DCAF1: variants seen among roughly 807,000 people sequenced by gnomAD.
DCAF1 encodes DDB1- and CUL4-associated factor 1.
DCAF1 carries 15 observed loss-of-function variants against 128.0 expected under a neutral mutation model. The ratio of observed to expected loss-of-function variants is 0.12; its 90% confidence interval spans 0.08 to 0.18. The LOEUF (loss-of-function observed/expected upper bound fraction) is 0.18, where lower values mean the gene tolerates loss of function less well. Among genes scored for constraint, DCAF1 ranks in the 10% least tolerant of loss-of-function variants. The pLI is 1.00. For synonymous variants in DCAF1, 610 were observed against 603.0 expected (o/e 1.01, Z -0.17); for missense variants, 988 against 1,649.5 (o/e 0.60, Z 6.95).
At chr3:51,446,982 A>AATAATAATG (rs1701923812) in intron 6 of DCAF1, among the ~76,000 whole-genome samples, 1 of 147,172 alleles carries the variant, frequency 6.8e-6, no homozygotes, top group Non-Finnish European at 1.5e-5. Flanking sequence ...TAATAATAAT[A>AATAATAATG]ATAATAATAA....
upstream of DCAF1, among the ~76,000 whole-genome samples, chr3:51,504,036 A>AT (rs559346586): frequency 0.052 from 6,772 of 130,250 alleles, 243 homozygotes; most frequent in Non-Finnish European, 0.071. Flanking sequence ...GCCCCTGAAC[A>AT]TTTTTTTTTT....
chr3:51,505,055 A>T, the DCAF1 span, among the ~76,000 whole-genome samples: 1 of 152,122 alleles, frequency 6.6e-6, no homozygotes, highest in Non-Finnish European at 1.5e-5. Context: ...TGAGGTCGAG[A>T]GTTCGAGACC....
At chr3:51,472,235 C>A (rs1279773943) in intron 3 of DCAF1, among the ~76,000 whole-genome samples, 1 of 152,188 alleles carries the variant, frequency 6.6e-6, no homozygotes, top group Non-Finnish European at 1.5e-5. Flanking sequence ...TTCAAAGAGC[C>A]CAATTTCACT....
At position 51,398,830 on chromosome 3, in the gene DCAF1, G is replaced by A. The variant is rs1553624035; in HGVS notation, c.4466-3C>T. ...ATCAGAGTTGTCAGAGCTGTCAGCTGAAAGGGAAGAAAAGGGAGAGACAAG... is the reference window on the plus strand; with the variant it reads ...ATCAGAGTTGTCAGAGCTGTCAGCTAAAAGGGAAGAAAAGGGAGAGACAAG... On this transcript the variant is annotated splice_region_variant and splice_polypyrimidine_tract_variant and intron_variant, in intron 24 of 24. Transcript: ENST00000684031. 8 of 1,580,632 alleles carry A rather than the reference G, an allele frequency of 5.1e-6. No homozygotes were observed. The South Asian group carries it at 8.1e-5, about 16-fold the overall frequency.
intron 4 of DCAF1, among the ~76,000 whole-genome samples, chr3:51,467,618 T>A (rs1258219221): frequency 1.3e-5 from 2 of 152,198 alleles, no homozygotes; most frequent in East Asian, 3.9e-4. Context: ...CTGCACGTTG[T>A]GCACATGTAC....
intron 1 of DCAF1, among the ~76,000 whole-genome samples, chr3:51,498,869 G>C (rs1444943458): frequency 6.6e-6 from 1 of 152,110 alleles, no homozygotes; most frequent in Non-Finnish European, 1.5e-5. Flanking sequence ...GCTGGAAAAA[G>C]AAAATGCAGG....
At chr3:51,501,976 A>G (rs571630387), upstream of DCAF1, among the ~76,000 whole-genome samples, 1 of 152,322 alleles carries the variant, frequency 6.6e-6, no homozygotes, top group South Asian at 2.1e-4. Flanking sequence ...AGAGAGGTAG[A>G]ACAAGGAATG....
intron 10 of DCAF1, among the ~76,000 whole-genome samples, 172 bp downstream of exon 10, chr3:51,432,934 A>G (rs2107583748): frequency 6.6e-6 from 1 of 152,342 alleles, no homozygotes; most frequent in Admixed American, 6.5e-5. Flanking sequence ...AAACAATTTT[A>G]CATTTTTAGA....
intron 6 of DCAF1, among the ~76,000 whole-genome samples, chr3:51,460,342 C>A (rs1220621938): frequency 6.6e-6 from 1 of 152,084 alleles, no homozygotes; most frequent in African/African-American, 2.4e-5. Flanking sequence ...ACCTAGGAAT[C>A]CAACTTACAA....
chr3:51,396,177 C>A, downstream of DCAF1: 1 of 377,510 alleles, frequency 2.6e-6, no homozygotes, highest in Non-Finnish European at 4.9e-6. Context: ...CCGGAAGAAT[C>A]ATCTACCTCC....
upstream of DCAF1, among the ~76,000 whole-genome samples, chr3:51,503,678 A>T (rs1223707076): frequency 6.6e-6 from 1 of 152,154 alleles, no homozygotes; most frequent in African/African-American, 2.4e-5. Flanking sequence ...ACAAAGAGGA[A>T]ATCCCAATCA....
chr3:51,505,590 TGA>T, the DCAF1 span, among the ~76,000 whole-genome samples: 210 of 152,342 alleles, frequency 1.4e-3, 1 homozygote, highest in Non-Finnish European at 1.1e-3. Flanking sequence ...ATGATGTTCC[TGA>T]GGGGAGCCCC....
chr3:51,441,681 CAAGATG>C lies in DCAF1; in HGVS notation c.724_729del (p.His242_Leu243del). On this transcript the variant is annotated inframe_deletion, in exon 8 of 25. Transcript: ENST00000684031. ...CTGCTACTAGTCTTGTGGCCTGAAT[CAAGATG>C]AAAGGAGATCTCCATGTCTCCAGAA... The C allele has an allele frequency of 6.2e-7, 1 of 1,613,982 alleles. No homozygotes were observed. Among genetic ancestry groups the C allele is most frequent in the African/African-American group, 1.3e-5 (1 of 75,038 alleles).
At chr3:51,396,109 A>C (rs1000624451), downstream of DCAF1, 5 of 409,454 alleles carry the variant, frequency 1.2e-5, no homozygotes, top group Non-Finnish European at 2.2e-5. Flanking sequence ...TATGTTGTTA[A>C]GTCCAAAACT....
At chr3:51,451,063 G>A (rs374112892) in intron 6 of DCAF1, among the ~76,000 whole-genome samples, 1 of 67,196 alleles carries the variant, frequency 1.5e-5, no homozygotes, top group Non-Finnish European at 2.9e-5. Flanking sequence ...ATATAAAAAG[G>A]AAATTCTTTT....
At chr3:51,396,925 C>A (rs1553623177), downstream of DCAF1, 1 of 166,884 alleles carries the variant, frequency 6.0e-6, no homozygotes, top group Non-Finnish European at 1.5e-5. Flanking sequence ...ACCATTAAAG[C>A]GAGGCATGAA....
At chr3:51,463,678 G>C (rs1553645480) in intron 5 of DCAF1, among the ~76,000 whole-genome samples, 1 of 151,940 alleles carries the variant, frequency 6.6e-6, no homozygotes. Flanking sequence ...AGCTACATGG[G>C]AGGCTGAGGT....
rs751723865 is a variant in DCAF1, at chr3:51,496,793, A to C, written c.-55-13T>G. 3.3e-5 allele frequency among the ~76,000 whole-genome samples: 5 copies of C among 152,110 alleles called. No homozygotes were observed. Among genetic ancestry groups the C allele is most frequent in the African/African-American group, 2.4e-5 (1 of 41,418 alleles). ...TCAATTTCCTTATCTGCAAGATGGA[A>C]ACAGTTGTTGTGCGGGGTTAAATGA... On this transcript the variant is annotated splice_polypyrimidine_tract_variant and intron_variant, in intron 1 of 24. Coordinates refer to ENST00000684031, the MANE Select transcript of DCAF1 (RefSeq NM_001387579.1).
At chr3:51,416,204 G>A (rs1015799666) in intron 18 of DCAF1, among the ~76,000 whole-genome samples, 30 of 151,692 alleles carry the variant, frequency 2.0e-4, no homozygotes, top group African/African-American at 6.5e-4. Flanking sequence ...CCACCTACAA[G>A]ATGCTACCAG....
Sources: allele counts gnomAD v4.1 joint callset (sites outside exome capture counted in the v4.1 genomes callset), GRCh38; gene constraint gnomAD v4.1.1; transcripts MANE v1.5; gene names NCBI Gene and HGNC (gene_info 2026-07-23, HGNC 2026-07-21).